The following CNTNAP2 variants were observed in gnomAD, a reference collection of about 807,000 sequenced individuals.
The protein encoded by CNTNAP2 is contactin-associated protein-like 2.
Under a neutral mutation model 155.2 loss-of-function variants are expected in CNTNAP2, and 98 were observed. That is an observed-to-expected ratio of 0.63 (90% CI 0.54 to 0.75). The LOEUF is 0.75. CNTNAP2 is among the 30% of genes least tolerant of loss of function. The pLI, the probability that CNTNAP2 is intolerant of heterozygous loss-of-function variation, is 0.00. For missense variants in CNTNAP2, 1,727 were observed against 1,688.1 expected (o/e 1.02, Z -0.40); for synonymous variants, 651 against 631.2 (o/e 1.03, Z -0.47).
intron 13 of CNTNAP2, among the ~76,000 whole-genome samples, chr7:147,687,983 A>T (rs1326392948): frequency 6.6e-6 from 1 of 152,154 alleles, no homozygotes; most frequent in African/African-American, 2.4e-5. Context: ...TTATGTTGGG[A>T]AATTTTAATG....
intron 1 of CNTNAP2, among the ~76,000 whole-genome samples, chr7:146,463,799 A>G (rs887397931): frequency 6.6e-6 from 1 of 152,140 alleles, no homozygotes; most frequent in Non-Finnish European, 1.5e-5. Context: ...TATAGTGTTA[A>G]CAAGTGCTAA....
At chr7:147,885,910 T>C (rs1451233428) in intron 13 of CNTNAP2, among the ~76,000 whole-genome samples, 1 of 152,178 alleles carries the variant, frequency 6.6e-6, no homozygotes, top group Non-Finnish European at 1.5e-5. Flanking sequence ...AATAACTAAG[T>C]TCTGCATGAA....
intron 1 of CNTNAP2, among the ~76,000 whole-genome samples, chr7:146,504,389 C>T (rs2129133894): frequency 6.6e-6 from 1 of 152,324 alleles, no homozygotes; most frequent in South Asian, 2.1e-4. Flanking sequence ...AAACTCCTTG[C>T]AAAGCTGCTA....
At chr7:146,508,925 CAGA>C (rs1034439078) in intron 1 of CNTNAP2, among the ~76,000 whole-genome samples, 3 of 152,150 alleles carry the variant, frequency 2.0e-5, no homozygotes, top group Admixed American at 2.0e-4. Context: ...TGGCCCCCTG[CAGA>C]AGGAGTACCT....
chr7:146,968,708 T>C (rs1674969574), intron 3 of CNTNAP2, among the ~76,000 whole-genome samples: 2 of 152,030 alleles, frequency 1.3e-5, no homozygotes, highest in South Asian at 4.1e-4. Context: ...TCTTTTCTTC[T>C]TTATTAGTCT....
chr7:146,379,060 C>G (rs1795344810), intron 1 of CNTNAP2, among the ~76,000 whole-genome samples: 1 of 152,196 alleles, frequency 6.6e-6, no homozygotes, highest in Non-Finnish European at 1.5e-5. Flanking sequence ...GCCTGCATCC[C>G]ACAAGGCACA....
In CNTNAP2 at chr7:146,524,445, C is replaced by A. The variant is rs112964602; in HGVS notation, c.98-249826C>A. ...GTTGCTTGACAGCATATTGAAGAGTCTTCATTACTCACTGCCATTTTCTTT... is the reference window on the plus strand; with the variant it reads ...GTTGCTTGACAGCATATTGAAGAGTATTCATTACTCACTGCCATTTTCTTT... On this transcript the variant is annotated intron_variant, in intron 1 of 23. Coordinates refer to ENST00000361727, the MANE Select transcript of CNTNAP2 (RefSeq NM_014141.6). Among the ~76,000 whole-genome samples, 708 of 152,050 alleles carry A rather than the reference C, an allele frequency of 4.7e-3. 3 individuals carry two copies. Among genetic ancestry groups the A allele is most frequent in the African/African-American group, 0.016 (665 of 41,506 alleles).
chr7:148,334,041 T>C (rs1011495721), intron 21 of CNTNAP2, among the ~76,000 whole-genome samples: 2 of 152,222 alleles, frequency 1.3e-5, no homozygotes, highest in African/African-American at 4.8e-5. Context: ...CTAGAGTTTG[T>C]GTAATTTTCA....
At chr7:147,235,796 A>C (rs998715439) in intron 8 of CNTNAP2, among the ~76,000 whole-genome samples, 1 of 152,178 alleles carries the variant, frequency 6.6e-6, no homozygotes, top group South Asian at 2.1e-4. Flanking sequence ...TATTTTCCCA[A>C]CTTGGAATAT....
intron 10 of CNTNAP2, among the ~76,000 whole-genome samples, chr7:147,401,846 C>T (rs1317466226): frequency 6.6e-6 from 1 of 152,178 alleles, no homozygotes; most frequent in East Asian, 1.9e-4. Context: ...TTCCTGAAGC[C>T]TCTCCAGCTG....
chr7:147,592,781 A>G (rs1800764018), intron 12 of CNTNAP2, among the ~76,000 whole-genome samples: 1 of 152,216 alleles, frequency 6.6e-6, no homozygotes, highest in Non-Finnish European at 1.5e-5. Flanking sequence ...TGAAATTTTC[A>G]TTAAGCCCCT....
intron 1 of CNTNAP2, among the ~76,000 whole-genome samples, chr7:146,478,728 C>G (rs184437575): frequency 4.0e-5 from 6 of 151,844 alleles, no homozygotes; most frequent in Non-Finnish European, 8.8e-5. Context: ...GCATGCACAG[C>G]ACATATTAAA....
At chr7:146,712,160 TTATGTATACAAA>T (rs1801095415) in intron 1 of CNTNAP2, among the ~76,000 whole-genome samples, 3 of 127,430 alleles carry the variant, frequency 2.4e-5, no homozygotes, top group African/African-American at 8.6e-5. Context: ...TATACATATC[TTATGTATACAAA>T]TATGTATACA....
At chr7:147,737,984 G>T (rs908586447) in intron 13 of CNTNAP2, among the ~76,000 whole-genome samples, 1 of 152,184 alleles carries the variant, frequency 6.6e-6, no homozygotes, top group Non-Finnish European at 1.5e-5. Flanking sequence ...GCGATGCCTT[G>T]CCCTGCTTCG....
chr7:146,368,407 T>C (rs1420084421), intron 1 of CNTNAP2, among the ~76,000 whole-genome samples: 3 of 152,034 alleles, frequency 2.0e-5, no homozygotes, highest in African/African-American at 4.8e-5. Context: ...ACATCCCAGA[T>C]TGGTATGGTA....
chr7:147,572,313 A>AG (rs1554406619), intron 12 of CNTNAP2, among the ~76,000 whole-genome samples: 9 of 151,600 alleles, frequency 5.9e-5, no homozygotes, highest in East Asian at 1.9e-4. Flanking sequence ...AAAAAAAAAA[A>AG]AGAGAGGAAA....
At chr7:148,277,822 C>G (rs1246213649) in intron 21 of CNTNAP2, among the ~76,000 whole-genome samples, 1 of 101,754 alleles carries the variant, frequency 9.8e-6, no homozygotes, top group Non-Finnish European at 2.1e-5. Flanking sequence ...TTTGCTTTTA[C>G]TTCCTACAAA....
At chr7:147,779,600 C>A (rs773360498) in intron 13 of CNTNAP2, among the ~76,000 whole-genome samples, 7 of 152,016 alleles carry the variant, frequency 4.6e-5, no homozygotes, top group Non-Finnish European at 1.0e-4. Flanking sequence ...GGAAGATACA[C>A]GCTGTTGCAA....
At chr7:146,599,583 T>A (rs1798915127) in intron 1 of CNTNAP2, among the ~76,000 whole-genome samples, 2 of 147,622 alleles carry the variant, frequency 1.4e-5, no homozygotes, top group South Asian at 4.2e-4. Context: ...ACTCCCTTTT[T>A]CCCCGCCGCC....
Sources: gnomAD v4.1 joint callset for allele counts (sites outside exome capture counted in the v4.1 genomes callset) on GRCh38, gnomAD v4.1.1 for gene constraint, MANE v1.5 for transcripts, NCBI Gene and HGNC (gene_info 2026-07-23, HGNC 2026-07-21) for gene names.